The following TPM4 variants were observed in gnomAD, a reference collection of about 807,000 sequenced individuals.
The protein encoded by TPM4 is tropomyosin 4, also known as tropomyosin alpha-4 chain.
Under a neutral mutation model 35.8 loss-of-function variants are expected in TPM4, and 17 were observed. That is an observed-to-expected ratio of 0.47 (90% CI 0.32 to 0.71). TPM4 has a LOEUF of 0.71. TPM4 is among the 30% of genes least tolerant of loss of function. The pLI, the probability that TPM4 is intolerant of heterozygous loss-of-function variation, is 0.03. For synonymous variants in TPM4, 120 were observed against 122.9 expected (o/e 0.98, Z 0.15); for missense variants, 240 against 320.9 (o/e 0.75, Z 1.93).
chr19:16,077,523 C>T (rs1417875143), intron 1 of TPM4: 3 of 152,240 alleles, frequency 2.0e-5, no homozygotes, highest in Admixed American at 6.5e-5. Flanking sequence ...GCATCATCCT[C>T]CTGGCTGTCC....
intron 2 of TPM4, among the ~76,000 whole-genome samples, chr19:16,082,439 A>T (rs1444577168): frequency 6.6e-6 from 1 of 152,242 alleles, no homozygotes; most frequent in African/African-American, 2.4e-5. Flanking sequence ...TGAACCCAGG[A>T]GGCAGAGGCT....
chr19:16,075,980 C>T (rs550556915), upstream of TPM4: 521 of 1,543,900 alleles, frequency 3.4e-4, 7 homozygotes, highest in South Asian at 6.0e-3. Context: ...TGGGGGGGAC[C>T]GCCCCTGCAC....
upstream of TPM4, among the ~76,000 whole-genome samples, chr19:16,073,866 G>A (rs939433940): frequency 9.0e-5 from 13 of 144,482 alleles, no homozygotes; most frequent in African/African-American, 1.3e-4. Context: ...CGCTTGAGCC[G>A]AGGAGGTCAA....
intron 5 of TPM4, among the ~76,000 whole-genome samples, chr19:16,090,867 A>ATC: frequency 7.5e-6 from 1 of 133,290 alleles, no homozygotes; most frequent in East Asian, 2.1e-4. Flanking sequence ...GTGTTTCACC[A>ATC]TGTTGCCCAG....
At chr19:16,097,202 C>T (rs549773443) in intron 7 of TPM4, among the ~76,000 whole-genome samples, 7 of 152,042 alleles carry the variant, frequency 4.6e-5, no homozygotes, top group Admixed American at 3.3e-4. Flanking sequence ...GATCCGCCCA[C>T]CTCAGCTTCC....
chr19:16,077,529 T>C (rs1212415488), intron 1 of TPM4: 2 of 152,256 alleles, frequency 1.3e-5, no homozygotes, highest in Admixed American at 1.3e-4. Flanking sequence ...TCCTCCTGGC[T>C]GTCCCTCGGG....
intron 7 of TPM4, chr19:16,095,977 G>C (rs1226357427): frequency 1.3e-5 from 2 of 150,362 alleles, no homozygotes; most frequent in East Asian, 2.0e-4. Flanking sequence ...CCAGGCTGGA[G>C]TGCAGTGGTG....
At chr19:16,072,805 G>GTTGAGGCAGGAGAAGCAC (rs1354367716), upstream of TPM4, among the ~76,000 whole-genome samples, 126 of 152,256 alleles carry the variant, frequency 8.3e-4, no homozygotes, top group African/African-American at 2.8e-3. Flanking sequence ...TACTAGGGAG[G>GTTGAGGCAGGAGAAGCAC]TTGAGGCAGG....
At chr19:16,082,714 G>A (rs1396445406) in intron 2 of TPM4, among the ~76,000 whole-genome samples, 2 of 151,588 alleles carry the variant, frequency 1.3e-5, no homozygotes, top group African/African-American at 2.4e-5. Context: ...CAGGTAGGCC[G>A]GATGCAGTGA....
At position 16,076,559 on chromosome 19, in the gene TPM4, C is replaced by T; in HGVS notation, c.-7C>T. 6.9e-7 allele frequency: 1 copy of T among 1,457,906 alleles called. No individual in the cohort carries two copies. Among genetic ancestry groups the T allele is most frequent in the Non-Finnish European group, 9.0e-7 (1 of 1,110,418 alleles). 90.3% of individuals were successfully genotyped at this position (1,457,906 alleles called of 1,614,324 possible). A position where few individuals can be genotyped will look rare whatever the true frequency, so the allele number is the denominator to read the frequency against. On this transcript the variant is annotated 5_prime_UTR_variant, in exon 1 of 8. Transcript: ENST00000643579. The stretch of plus-strand genomic sequence containing the variant: ...CCGCTGCCCGTGCGCCTCTGCGCCT[C>T]CGCGCCATGGCCGGCCTCAACTCCC...
At chr19:16,078,329 T>C (rs917532708) in intron 1 of TPM4, among the ~76,000 whole-genome samples, 4 of 152,068 alleles carry the variant, frequency 2.6e-5, no homozygotes, top group African/African-American at 9.7e-5. Flanking sequence ...GGATAGAGGT[T>C]GAAGCCCAAA....
intron 4 of TPM4, 168 bp from the exon 5 acceptor site, chr19:16,088,877 G>A (rs937457896): frequency 1.8e-5 from 26 of 1,438,180 alleles, no homozygotes; most frequent in African/African-American, 2.9e-5. Context: ...TAAGCCCATA[G>A]TATCACACTG....
At chr19:16,074,101 C>T (rs751139438), upstream of TPM4, among the ~76,000 whole-genome samples, 2 of 151,296 alleles carry the variant, frequency 1.3e-5, no homozygotes, top group Non-Finnish European at 2.9e-5. Flanking sequence ...GAGCACGTAG[C>T]CCAGACAGGA....
intron 3 of TPM4, 128 bp downstream of exon 3, chr19:16,086,668 A>G: frequency 1.4e-6 from 1 of 723,958 alleles, no homozygotes; most frequent in Non-Finnish European, 2.3e-6. Flanking sequence ...GCGTGAACAT[A>G]TGTTTGTCCA....
At chr19:16,078,253 C>G (rs1023878649) in intron 1 of TPM4, 4 of 397,330 alleles carry the variant, frequency 1.0e-5, no homozygotes, top group African/African-American at 8.2e-5. Flanking sequence ...TTTGCTGGGA[C>G]CAGAGACATG....
intron 3 of TPM4, 110 bp downstream of exon 3, chr19:16,086,650 G>C: frequency 6.1e-6 from 5 of 823,542 alleles, no homozygotes; most frequent in South Asian, 1.7e-5. Flanking sequence ...TAGGTCAGCT[G>C]TCCTCCTGCG....
chr19:16,068,879 G>A (rs2090324714), intron 2 of TPM4, among the ~76,000 whole-genome samples: 1 of 152,172 alleles, frequency 6.6e-6, no homozygotes, highest in South Asian at 2.1e-4. Context: ...GTGCGGAGGG[G>A]TAAAGGTGAC....
At chr19:16,068,835 A>G (rs975690962) in intron 2 of TPM4, among the ~76,000 whole-genome samples, 24 of 152,120 alleles carry the variant, frequency 1.6e-4, no homozygotes, top group Non-Finnish European at 3.1e-4. Flanking sequence ...TTACGTGTCT[A>G]TCTGTACATG....
intron 7 of TPM4, among the ~76,000 whole-genome samples, chr19:16,094,845 G>T (rs1003749300): frequency 6.6e-6 from 1 of 152,124 alleles, no homozygotes. Flanking sequence ...ACCCAGAAAG[G>T]ACACATTCTT....
Sources: allele counts gnomAD v4.1 joint callset (sites outside exome capture counted in the v4.1 genomes callset), GRCh38; gene constraint gnomAD v4.1.1; transcripts MANE v1.5; gene names NCBI Gene and HGNC (gene_info 2026-07-23, HGNC 2026-07-21).